The following NELL1 variants were observed in gnomAD, a reference collection of about 807,000 sequenced individuals.
NELL1 encodes the protein neural EGFL like 1.
NELL1 carries 76 observed loss-of-function variants against 107.4 expected under a neutral mutation model. That is an observed-to-expected ratio of 0.71 (90% CI 0.59 to 0.86). The LOEUF (loss-of-function observed/expected upper bound fraction) is 0.86, where lower values mean the gene tolerates loss of function less well. Among genes scored for constraint, NELL1 ranks in the 40% least tolerant of loss-of-function variants. The pLI, the probability that NELL1 is intolerant of heterozygous loss-of-function variation, is 0.00. For synonymous variants in NELL1, 353 were observed against 341.2 expected, an observed-to-expected ratio of 1.03 and a Z score of -0.38; for missense variants, 1,024 against 1,005.5, an observed-to-expected ratio of 1.02 and a Z score of -0.25.
chr11:20,927,151 A>C, intron 7 of NELL1, 157 bp from the exon 8 acceptor site: 1 of 632,462 alleles, frequency 1.6e-6, no homozygotes, highest in East Asian at 2.9e-5. Context: ...GTGTAAAAAA[A>C]ATAAAAAAAA....
intron 2 of NELL1, among the ~76,000 whole-genome samples, chr11:20,712,114 T>A (rs990202683): frequency 2.6e-5 from 4 of 152,172 alleles, no homozygotes; most frequent in Non-Finnish European, 5.9e-5. Context: ...ATATAACATA[T>A]TCCCATATAT....
At chr11:21,321,021 A>C (rs1849997553) in intron 14 of NELL1, among the ~76,000 whole-genome samples, 1 of 152,206 alleles carries the variant, frequency 6.6e-6, no homozygotes, top group Non-Finnish European at 1.5e-5. Flanking sequence ...CTAGAAATTT[A>C]GTAGATTTGC....
chr11:21,318,434 C>T (rs1357415203), intron 14 of NELL1, among the ~76,000 whole-genome samples: 1 of 152,166 alleles, frequency 6.6e-6, no homozygotes, highest in East Asian at 1.9e-4. Flanking sequence ...CTAGGGGCTT[C>T]TCCATCTTTC....
chr11:21,324,613 T>C (rs1012558927), intron 14 of NELL1, among the ~76,000 whole-genome samples: 1 of 152,058 alleles, frequency 6.6e-6, no homozygotes, highest in African/African-American at 2.4e-5. Flanking sequence ...TTCCAGGCAG[T>C]ATGATGGGAA....
chr11:21,548,670 A>G (rs998297155), intron 16 of NELL1, among the ~76,000 whole-genome samples: 1 of 151,788 alleles, frequency 6.6e-6, no homozygotes, highest in African/African-American at 2.4e-5. Context: ...CCAGAGCCAA[A>G]CCATATCAGA....
intron 12 of NELL1, among the ~76,000 whole-genome samples, chr11:20,982,095 G>A (rs1055308400): frequency 6.6e-6 from 1 of 152,118 alleles, no homozygotes. Context: ...AGTGGATCTA[G>A]CAAGTGTCAG....
chr11:21,566,335 T>C (rs190167101), intron 17 of NELL1, among the ~76,000 whole-genome samples: 16 of 152,016 alleles, frequency 1.1e-4, no homozygotes, highest in African/African-American at 3.9e-4. Flanking sequence ...AATATATCAG[T>C]ATTTACTGAT....
chr11:21,217,123 C>G lies in NELL1; in HGVS notation c.1427-12209C>G, dbSNP rs538813336. On this transcript the variant is annotated intron_variant, in intron 13 of 19. Transcript: ENST00000357134. ...ATGGTTTCATAAGGGGCTATTCCCC[C>G]CTCCTTCACCCTGTACTTCTTACAA... Among the ~76,000 whole-genome samples the G allele has an allele frequency of 4.6e-5, 7 of 152,222 alleles. No individual in the cohort carries two copies. The East Asian group carries it at 1.2e-3, about 25-fold the overall frequency.
intron 12 of NELL1, among the ~76,000 whole-genome samples, chr11:21,029,261 C>G (rs1455397277): frequency 2.0e-5 from 3 of 152,174 alleles, no homozygotes; most frequent in African/African-American, 7.2e-5. Context: ...ATTTAGTTCA[C>G]TTTAACAAGC....
chr11:21,399,376 A>G (rs1852046572), intron 15 of NELL1, among the ~76,000 whole-genome samples: 1 of 151,774 alleles, frequency 6.6e-6, no homozygotes, highest in Non-Finnish European at 1.5e-5. Context: ...TAAGTAGCCA[A>G]GAAATGCATA....
At chr11:21,103,504 A>C (rs1180881582) in intron 12 of NELL1, among the ~76,000 whole-genome samples, 1 of 152,154 alleles carries the variant, frequency 6.6e-6, no homozygotes, top group Non-Finnish European at 1.5e-5. Context: ...TGTTAATAAT[A>C]CCTACCTGTG....
intron 3 of NELL1, among the ~76,000 whole-genome samples, chr11:20,814,606 A>G (rs1012861849): frequency 6.6e-6 from 1 of 152,160 alleles, no homozygotes; most frequent in African/African-American, 2.4e-5. Context: ...AGCTACGTCC[A>G]TGTTGCTATA....
chr11:21,322,223 G>A (rs1850027539), intron 14 of NELL1, among the ~76,000 whole-genome samples: 1 of 152,148 alleles, frequency 6.6e-6, no homozygotes. Context: ...TAGACTATGA[G>A]TTAAAAGACC....
At chr11:21,316,880 T>A (rs1191626615) in intron 14 of NELL1, among the ~76,000 whole-genome samples, 4 of 152,088 alleles carry the variant, frequency 2.6e-5, no homozygotes, top group Admixed American at 6.6e-5. Flanking sequence ...GCCTTCAGAC[T>A]ATAATGAAAA....
chr11:21,336,668 T>TACACACACACAC (rs561195381), intron 14 of NELL1, among the ~76,000 whole-genome samples: 313 of 57,366 alleles, frequency 5.5e-3, no homozygotes, highest in East Asian at 0.019. Flanking sequence ...TATATATATA[T>TACACACACACAC]ATATATACAC....
intron 14 of NELL1, among the ~76,000 whole-genome samples, chr11:21,303,412 C>T (rs1481995547): frequency 6.6e-6 from 1 of 151,884 alleles, no homozygotes; most frequent in East Asian, 1.9e-4. Context: ...CAAATTATAA[C>T]CACAATGAGA....
At chr11:20,841,494 C>T (rs529989458) in intron 3 of NELL1, among the ~76,000 whole-genome samples, 10 of 152,110 alleles carry the variant, frequency 6.6e-5, no homozygotes, top group Non-Finnish European at 1.0e-4. Context: ...GATAAGGAGT[C>T]AGGAGCCTGA....
chr11:21,469,808 A>C (rs1854127423), intron 15 of NELL1, among the ~76,000 whole-genome samples: 1 of 152,070 alleles, frequency 6.6e-6, no homozygotes. Context: ...GGTGGGTTGT[A>C]GTATCTTGAA....
intron 14 of NELL1, among the ~76,000 whole-genome samples, chr11:21,338,768 G>A (rs1351590903): frequency 6.6e-6 from 1 of 152,076 alleles, no homozygotes; most frequent in Non-Finnish European, 1.5e-5. Flanking sequence ...TAAAACTTGA[G>A]CAAAATGTTT....
Sources: allele counts gnomAD v4.1 joint callset (sites outside exome capture counted in the v4.1 genomes callset), GRCh38; gene constraint gnomAD v4.1.1; transcripts MANE v1.5; gene names NCBI Gene and HGNC (gene_info 2026-07-23, HGNC 2026-07-21).